NKAIN2: variants seen among roughly 807,000 people sequenced by gnomAD.
NKAIN2 encodes the protein sodium/potassium transporting ATPase interacting 2.
A neutral mutation model predicts 32.6 loss-of-function variants in NKAIN2; 14 were observed. The ratio of observed to expected loss-of-function variants is 0.43; its 90% CI spans 0.28 to 0.67. The LOEUF is 0.67. NKAIN2 is among the 30% of genes least tolerant of loss of function. The pLI is 0.17. For synonymous variants in NKAIN2, 80 were observed against 87.2 expected, an observed-to-expected ratio of 0.92 and a Z score of 0.46; for missense variants, 198 against 258.3, an observed-to-expected ratio of 0.77 and a Z score of 1.60.
chr6:123,835,053 G>A (rs1053946623), intron 1 of NKAIN2, among the ~76,000 whole-genome samples: 1 of 152,064 alleles, frequency 6.6e-6, no homozygotes, highest in Non-Finnish European at 1.5e-5. Flanking sequence ...TCTGGTTTGG[G>A]TATTAGCACA....
intron 4 of NKAIN2, among the ~76,000 whole-genome samples, chr6:124,741,778 T>G (rs1398344500): frequency 6.6e-6 from 1 of 151,904 alleles, no homozygotes. Context: ...TGTCTTTTGG[T>G]CTTTTTTATT....
intron 1 of NKAIN2, among the ~76,000 whole-genome samples, chr6:124,280,815 T>G (rs1795255116): frequency 6.6e-6 from 1 of 152,196 alleles, no homozygotes; most frequent in South Asian, 2.1e-4. Context: ...TTTTCAGGCC[T>G]ATCTTAAATT....
chr6:123,827,340 G>T (rs1774190403), intron 1 of NKAIN2, among the ~76,000 whole-genome samples: 1 of 152,044 alleles, frequency 6.6e-6, no homozygotes, highest in African/African-American at 2.4e-5. Flanking sequence ...CAGGAACCCT[G>T]CTACTTTGCC....
In NKAIN2 at chr6:124,803,571, CTTAT is replaced by C. The variant is rs373160059; in HGVS notation, c.535+12175_535+12178del. Among the ~76,000 whole-genome samples the C allele has an allele frequency of 4.4e-3, 672 of 152,298 alleles. 4 individuals carry two copies. The highest frequency in any genetic ancestry group is 0.015 in the African/African-American group (641 of 41,566). ...TCTATGTAATTTTTTAAACATTTAA[CTTAT>C]TTTTTTCTACAGTATGTCACACAGG... On this transcript the variant is annotated intron_variant, in intron 5 of 6. Transcript: ENST00000368417.
chr6:124,283,129 G>A lies in NKAIN2; in HGVS notation c.179G>A (p.Arg60His), dbSNP rs145724320. The change falls in exon 2 of 7, where the codon CGT becomes CAT. Residue 60 changes from arginine (R) to histidine (H), a missense_variant. By Grantham distance (29) the Arg-to-His change is conservative. Transcript: ENST00000368417. ...TTTGGAACTATTCAATATAGACCTC[G>A]TTACATAACAGGAGTAAGTACATTT... is the stretch of plus-strand genomic sequence containing the variant. ...GLFGTIQYRP[R>H]YITGYAVWLV... 126 of 1,606,090 alleles carry A rather than the reference G, an allele frequency of 7.8e-5. 1 individual carries two copies. In the Admixed American group the frequency reaches 8.3e-4, roughly 11 times the overall value.
intron 4 of NKAIN2, among the ~76,000 whole-genome samples, chr6:124,788,708 C>T (rs1361877744): frequency 6.6e-6 from 1 of 152,084 alleles, no homozygotes; most frequent in Non-Finnish European, 1.5e-5. Context: ...CCGGGTCCCT[C>T]CCACAACACA....
At chr6:124,612,054 C>T (rs1478333027) in intron 3 of NKAIN2, among the ~76,000 whole-genome samples, 1 of 152,006 alleles carries the variant, frequency 6.6e-6, no homozygotes, top group African/African-American at 2.4e-5. Context: ...CACTCATTCT[C>T]ATATACTAAG....
chr6:123,877,965 G>C (rs1020155044), intron 1 of NKAIN2, among the ~76,000 whole-genome samples: 19 of 152,064 alleles, frequency 1.2e-4, no homozygotes, highest in African/African-American at 4.1e-4. Context: ...GGTGGCCTAC[G>C]CCTGTAATCC....
intron 3 of NKAIN2, among the ~76,000 whole-genome samples, chr6:124,532,029 C>T (rs138567854): frequency 6.4e-4 from 97 of 152,306 alleles, no homozygotes; most frequent in African/African-American, 2.2e-3. Flanking sequence ...GCTCAGTCTA[C>T]ACCCAGAGCT....
chr6:124,574,599 A>G (rs1337065489), intron 3 of NKAIN2, among the ~76,000 whole-genome samples: 1 of 152,194 alleles, frequency 6.6e-6, no homozygotes, highest in East Asian at 1.9e-4. Flanking sequence ...AGCCTGGGCG[A>G]CAGAGCAAGA....
chr6:124,304,869 A>G (rs534856777), intron 2 of NKAIN2, among the ~76,000 whole-genome samples: 11 of 152,238 alleles, frequency 7.2e-5, no homozygotes. Flanking sequence ...AGCCAAGATC[A>G]TGCCACTGCA....
intron 3 of NKAIN2, among the ~76,000 whole-genome samples, chr6:124,440,528 C>A (rs986059453): frequency 8.6e-5 from 13 of 151,990 alleles, no homozygotes; most frequent in African/African-American, 3.1e-4. Context: ...CTTTCTAGGG[C>A]CATGCCTGCT....
At chr6:124,047,442 C>CTA (rs1353688825) in intron 1 of NKAIN2, among the ~76,000 whole-genome samples, 1 of 149,632 alleles carries the variant, frequency 6.7e-6, no homozygotes, top group Non-Finnish European at 1.5e-5. Flanking sequence ...CTTTCTCTCT[C>CTA]TCTCTCTATA....
intron 4 of NKAIN2, among the ~76,000 whole-genome samples, chr6:124,677,648 T>A (rs1472664204): frequency 6.6e-6 from 1 of 152,192 alleles, no homozygotes; most frequent in African/African-American, 2.4e-5. Flanking sequence ...ATAAATTACA[T>A]CTTTTTATAC....
At chr6:124,589,841 C>A (rs1781844288) in intron 3 of NKAIN2, among the ~76,000 whole-genome samples, 1 of 152,010 alleles carries the variant, frequency 6.6e-6, no homozygotes, top group African/African-American at 2.4e-5. Context: ...CCCCACCCCC[C>A]AACAAGCCCT....
At chr6:124,240,521 G>T (rs2114769548) in intron 1 of NKAIN2, among the ~76,000 whole-genome samples, 1 of 152,152 alleles carries the variant, frequency 6.6e-6, no homozygotes, top group African/African-American at 2.4e-5. Flanking sequence ...ACCAAATCCA[G>T]CAGCACATCA....
chr6:124,428,212 C>A (rs1337568701), intron 3 of NKAIN2, among the ~76,000 whole-genome samples: 1 of 152,072 alleles, frequency 6.6e-6, no homozygotes, highest in Non-Finnish European at 1.5e-5. Flanking sequence ...CTTCCATCTC[C>A]TAAGTACCAT....
intron 3 of NKAIN2, among the ~76,000 whole-genome samples, chr6:124,458,443 G>A (rs1206792350): frequency 6.6e-6 from 1 of 151,424 alleles, no homozygotes; most frequent in Non-Finnish European, 1.5e-5. Context: ...AGTAGCTGTA[G>A]GCTACAGCTC....
intron 3 of NKAIN2, among the ~76,000 whole-genome samples, chr6:124,485,095 C>T (rs568753769): frequency 3.3e-5 from 5 of 152,266 alleles, no homozygotes; most frequent in African/African-American, 1.2e-4. Flanking sequence ...AAAAATAGAT[C>T]TGCAAAACAG....
Sources: allele counts gnomAD v4.1 joint callset (sites outside exome capture counted in the v4.1 genomes callset), GRCh38; gene constraint gnomAD v4.1.1; transcripts MANE v1.5; gene names NCBI Gene and HGNC (gene_info 2026-07-23, HGNC 2026-07-21).